HTT: variants seen among roughly 807,000 people sequenced by gnomAD.
The protein encoded by HTT is huntington disease protein.
In HTT, 104 loss-of-function variants were observed where a neutral mutation model predicts 362.3. The observed-to-expected ratio is 0.29, with a 90% CI of 0.24 to 0.34. The LOEUF (loss-of-function observed/expected upper bound fraction) is 0.34. HTT is among the 10% of genes least tolerant of loss of function. The probability of loss-of-function intolerance (pLI) is 1.00; values close to 1 mark genes in which losing one functional copy is unlikely to be tolerated. For synonymous variants in HTT, 1,577 were observed against 1,548.7 expected, an observed-to-expected ratio of 1.02 and a Z score of -0.43; for missense variants, 3,301 against 3,928.6, an observed-to-expected ratio of 0.84 and a Z score of 4.27.
chr4:3,236,948 G>A (rs1721566180), intron 64 of HTT, among the ~76,000 whole-genome samples: 1 of 152,216 alleles, frequency 6.6e-6, no homozygotes, highest in Non-Finnish European at 1.5e-5. Context: ...TCCAATCAGG[G>A]TGGCCAGTGG....
chr4:3,152,676 T>G (rs1221982288), intron 26 of HTT, among the ~76,000 whole-genome samples: 1 of 152,058 alleles, frequency 6.6e-6, no homozygotes, highest in Non-Finnish European at 1.5e-5. Flanking sequence ...CAAGCAGGGT[T>G]TTCAGTGTAG....
intron 60 of HTT, among the ~76,000 whole-genome samples, chr4:3,232,476 T>C (rs1260848344): frequency 1.3e-5 from 2 of 152,168 alleles, no homozygotes; most frequent in Non-Finnish European, 2.9e-5. Flanking sequence ...GTGGGCTAAG[T>C]GTTTAGGTCG....
chr4:3,133,324 T>TAA (rs61554059), intron 18 of HTT, among the ~76,000 whole-genome samples: 4 of 118,744 alleles, frequency 3.4e-5, no homozygotes, highest in Admixed American at 8.5e-5. Flanking sequence ...TACAGAAAAT[T>TAA]AAAAAAAAAA....
Position 3,074,945 on chromosome 4 carries a change from A to ACCACCGCCGCCG in HTT, c.122_123insACCGCCGCCGCC (p.Pro46_Pro49dup), listed in dbSNP as rs1553909059. 9.2e-7 allele frequency: 1 copy of ACCACCGCCGCCG among 1,091,326 alleles called. No homozygotes were observed. Among genetic ancestry groups the ACCACCGCCGCCG allele is most frequent in the Non-Finnish European group, 1.2e-6 (1 of 804,578 alleles). The allele number at this position is 1,091,326 out of a possible 1,614,324, so 67.6% of individuals were successfully genotyped here. ...AGCAGCAGCAGCAGCAACAGCCGCC[A>ACCACCGCCGCCG]CCGCCGCCGCCGCCGCCGCCGCCTC... is the stretch of plus-strand genomic sequence containing the variant. On this transcript the variant is annotated inframe_insertion, in exon 1 of 67. Coordinates refer to ENST00000355072, the MANE Select transcript of HTT (RefSeq NM_001388492.1).
intron 23 of HTT, among the ~76,000 whole-genome samples, chr4:3,143,873 G>A (rs1441303962): frequency 6.6e-6 from 1 of 152,118 alleles, no homozygotes; most frequent in Non-Finnish European, 1.5e-5. Context: ...AAAGTGCTGG[G>A]ATTACAGGTG....
In HTT at chr4:3,208,807, C is replaced by T. The variant is rs746044552; in HGVS notation, c.6187C>T (p.Arg2063Cys). The change falls in exon 46 of 67, where the codon CGT becomes TGT. Residue 2063 changes from arginine (R) to cysteine (C), a missense_variant. Around this residue, in one of 4 missense-constraint regions of HTT, gnomAD observed 2,316 missense variants for 2,658.5 expected, o/e 0.87. Transcript: ENST00000355072. ...QRLYSLLDRF[R>C]LSTMQDSLSP... ...GCTCTATTCCCTGCTGGACAGGTTTCGTCTCTCCACCATGCAAGACTCACT... is the reference window on the plus strand; with the variant it reads ...GCTCTATTCCCTGCTGGACAGGTTTTGTCTCTCCACCATGCAAGACTCACT... 1.1e-5 allele frequency: 18 copies of T among 1,613,740 alleles called. No homozygotes were observed. Among genetic ancestry groups the T allele is most frequent in the South Asian group, 2.2e-5 (2 of 91,060 alleles).
intron 1 of HTT, among the ~76,000 whole-genome samples, chr4:3,086,441 T>C (rs1452529569): frequency 6.6e-6 from 1 of 152,080 alleles, no homozygotes; most frequent in East Asian, 1.9e-4. Flanking sequence ...GAGGCCAAGA[T>C]GGGAAGATCG....
intron 42 of HTT, 102 bp downstream of exon 42, chr4:3,204,250 C>T (rs958794764): frequency 3.5e-5 from 39 of 1,108,502 alleles, no homozygotes; most frequent in African/African-American, 2.3e-4. Context: ...CCAGACCGCC[C>T]GGTGTCCTGC....
intron 60 of HTT, among the ~76,000 whole-genome samples, chr4:3,231,212 C>T (rs1241413146): frequency 2.6e-5 from 4 of 152,234 alleles, no homozygotes; most frequent in Non-Finnish European, 4.4e-5. Flanking sequence ...GAGTGGCTGC[C>T]GTGTGCCAGC....
chr4:3,106,696 C>T (rs990471394), intron 5 of HTT, among the ~76,000 whole-genome samples: 20 of 151,984 alleles, frequency 1.3e-4, no homozygotes, highest in Non-Finnish European at 2.5e-4. Flanking sequence ...TTTTTTCCCC[C>T]TTAGTTCTCA....
At chr4:3,086,747 G>A (rs1024442401) in intron 1 of HTT, among the ~76,000 whole-genome samples, 192 bp from the exon 2 acceptor site, 3 of 152,172 alleles carry the variant, frequency 2.0e-5, no homozygotes, top group Non-Finnish European at 2.9e-5. Flanking sequence ...TGTGAGCAGC[G>A]TAGCTTGACA....
chr4:3,161,111 C>A (rs1355264693), intron 29 of HTT, among the ~76,000 whole-genome samples: 1 of 152,120 alleles, frequency 6.6e-6, no homozygotes, highest in Non-Finnish European at 1.5e-5. Context: ...GTGATGTTCT[C>A]CTCCCTGTGC....
intron 29 of HTT, among the ~76,000 whole-genome samples, chr4:3,164,255 C>G (rs1356956521): frequency 6.6e-6 from 1 of 152,128 alleles, no homozygotes; most frequent in East Asian, 1.9e-4. Flanking sequence ...ATTCTCAATC[C>G]TGAGTTCTAA....
Position 3,228,794 on chromosome 4 carries a change from C to T in HTT, c.7979+49C>T. The T allele has an allele frequency of 6.4e-7, 1 of 1,566,836 alleles. No individual in the cohort carries two copies. Among genetic ancestry groups the T allele is most frequent in the Non-Finnish European group, 8.7e-7 (1 of 1,152,464 alleles). On this transcript the variant is annotated intron_variant, in intron 58 of 66. Coordinates refer to ENST00000355072, the MANE Select transcript of HTT (RefSeq NM_001388492.1). The surrounding 1 kb of genome is among the most constrained non-coding windows in gnomAD (Gnocchi z 4.3). ...TTAACAGAAATTTGAAATTTCTTAT[C>T]AGTCATTTGATTTGTTTGAGGTGCT...
At chr4:3,131,492 A>G in intron 15 of HTT, 95 bp downstream of exon 15, 2 of 1,448,422 alleles carry the variant, frequency 1.4e-6, no homozygotes, top group Non-Finnish European at 1.9e-6. Flanking sequence ...CAGCAGAGGA[A>G]GTAGAATCTG....
At chr4:3,151,843 C>T (rs1249073286) in intron 26 of HTT, among the ~76,000 whole-genome samples, 1 of 152,222 alleles carries the variant, frequency 6.6e-6, no homozygotes, top group Non-Finnish European at 1.5e-5. Context: ...TTTATATTCT[C>T]TGCCACTTCT....
rs1298227098 is a variant in HTT at position 3,074,955 on chromosome 4, CCG to C, written c.132_133del (p.Pro45AlafsTer37). 1.1e-5 allele frequency: 16 copies of C among 1,495,698 alleles called. 1 individual carries two copies. In the African/African-American group the frequency reaches 2.3e-4, roughly 22 times the overall value. The allele number at this position is 1,495,698 out of a possible 1,614,324, so 92.7% of individuals were successfully genotyped here. A position where few individuals can be genotyped will look rare whatever the true frequency, so the allele number is the denominator to read the frequency against. On this transcript the variant is annotated frameshift_variant, in exon 1 of 67. Coordinates refer to ENST00000355072, the MANE Select transcript of HTT (RefSeq NM_001388492.1). LOFTEE classifies it high-confidence loss of function. ...QQQQQPPPPPPPPPPPQLPQP... is the reference protein window; with the variant it reads ...QQQQQPPPPPXPPPPPQLPQP... ...GCAGCAACAGCCGCCACCGCCGCCG[CCG>C]CCGCCGCCGCCTCCTCAGCTTCCTC...
At chr4:3,103,419 T>G (rs1217572705) in intron 3 of HTT, among the ~76,000 whole-genome samples, 3 of 151,588 alleles carry the variant, frequency 2.0e-5, no homozygotes, top group Admixed American at 6.6e-5. Context: ...AGAGACGGAG[T>G]TTCTCCATGT....
intron 37 of HTT, among the ~76,000 whole-genome samples, chr4:3,183,799 A>G (rs924649921): frequency 3.3e-5 from 5 of 152,192 alleles, no homozygotes; most frequent in African/African-American, 1.2e-4. Flanking sequence ...ACCTGACTTA[A>G]TATCTGCCGC....
Sources: gnomAD v4.1 joint callset for allele counts (sites outside exome capture counted in the v4.1 genomes callset) on GRCh38, gnomAD v4.1.1 for gene constraint, gnomAD v4.1.1 regional missense constraint, Gnocchi (gnomAD v3.1) non-coding constraint, MANE v1.5 for transcripts, NCBI Gene and HGNC (gene_info 2026-07-23, HGNC 2026-07-21) for gene names.